The following ARHGAP10 variants were observed in gnomAD, a reference collection of about 807,000 sequenced individuals.
ARHGAP10 encodes the protein Rho GTPase activating protein 10.
Under a neutral mutation model 108.6 loss-of-function variants are expected in ARHGAP10, and 87 were observed. The ratio of observed to expected loss-of-function variants is 0.80; its 90% confidence interval spans 0.67 to 0.96. The LOEUF is 0.96. ARHGAP10 is among the 40% of genes least tolerant of loss of function. The pLI is 0.00. For missense variants in ARHGAP10, 939 were observed against 954.5 expected (o/e 0.98, Z 0.21); for synonymous variants, 347 against 341.1 (o/e 1.02, Z -0.19).
At chr4:147,783,199 TTATA>T (rs1303445683) in intron 1 of ARHGAP10, among the ~76,000 whole-genome samples, 1 of 144,104 alleles carries the variant, frequency 6.9e-6, no homozygotes, top group African/African-American at 2.5e-5. Flanking sequence ...ATTGTATAAT[TTATA>T]TAACACATTA....
intron 10 of ARHGAP10, among the ~76,000 whole-genome samples, chr4:147,883,352 A>G (rs1279530968): frequency 6.6e-6 from 1 of 152,168 alleles, no homozygotes; most frequent in Non-Finnish European, 1.5e-5. Context: ...GTGAGCCACC[A>G]TGCCTGGCCT....
intron 20 of ARHGAP10, among the ~76,000 whole-genome samples, chr4:148,055,655 T>C (rs1213920091): frequency 6.6e-6 from 1 of 152,186 alleles, no homozygotes; most frequent in Non-Finnish European, 1.5e-5. Context: ...GCCACTGCAC[T>C]CCAGCCTGAG....
chr4:148,024,115 A>G (rs1741677529), intron 19 of ARHGAP10, among the ~76,000 whole-genome samples: 1 of 152,208 alleles, frequency 6.6e-6, no homozygotes, highest in Non-Finnish European at 1.5e-5. Flanking sequence ...AGCTGTGCAC[A>G]CGCCTCCCAT....
chr4:148,012,653 T>G (rs147534648), intron 18 of ARHGAP10, among the ~76,000 whole-genome samples: 35 of 152,332 alleles, frequency 2.3e-4, no homozygotes, highest in African/African-American at 8.4e-4. Context: ...AAGTTTAGTC[T>G]TAATAGATAT....
At chr4:148,070,112 T>TA (rs1370203613) in intron 22 of ARHGAP10, among the ~76,000 whole-genome samples, 1 of 152,244 alleles carries the variant, frequency 6.6e-6, no homozygotes. Flanking sequence ...TTATATGTGT[T>TA]ACATGCTCTC....
rs768626844 is a variant in ARHGAP10, at chr4:147,822,814, G to A, written c.242G>A (p.Arg81Gln). ...FIGDAVTDDE[R>Q]CIDASLREFS... ...GGTGATGCTGTGACAGATGATGAAC[G>A]ATGCATAGGTAATTAAACATGATAT... Residue 81 changes from arginine (R) to glutamine (Q), a missense_variant, in exon 2 of 23, where the codon CGA becomes CAA. Physicochemically the swap from Arg to Gln is conservative, Grantham distance 43. Transcript: ENST00000336498. The A allele has an allele frequency of 1.5e-5, 24 of 1,614,042 alleles. No individual in the cohort carries two copies. The South Asian group carries it at 2.3e-4, about 16-fold the overall frequency.
At chr4:147,873,720 A>ACT (rs1348512439) in intron 7 of ARHGAP10, among the ~76,000 whole-genome samples, 1 of 149,016 alleles carries the variant, frequency 6.7e-6, no homozygotes, top group African/African-American at 2.5e-5. Flanking sequence ...ACACACACAC[A>ACT]CACTCTTGGC....
At chr4:147,989,556 T>G (rs1436189945) in intron 18 of ARHGAP10, among the ~76,000 whole-genome samples, 1 of 152,210 alleles carries the variant, frequency 6.6e-6, no homozygotes, top group Admixed American at 6.5e-5. Flanking sequence ...CTCAGGGACG[T>G]TCCATGCTGA....
At chr4:148,061,207 C>T (rs937559957) in intron 20 of ARHGAP10, among the ~76,000 whole-genome samples, 16 of 151,676 alleles carry the variant, frequency 1.1e-4, no homozygotes, top group African/African-American at 3.6e-4. Flanking sequence ...ACTTTATCTT[C>T]TTCCTGTAAC....
Position 147,732,458 on chromosome 4 carries a change from A to G in ARHGAP10, c.154+3A>G. The G allele has an allele frequency of 6.2e-7, 1 of 1,609,708 alleles. No homozygotes were observed. The highest frequency in any genetic ancestry group is 1.1e-5 in the South Asian group (1 of 90,634). ...GAACCTCATCGCTGCGACGAAAAGT[A>G]AGCGGGGACGCGGGCGCGGACGGGC... On this transcript the variant is annotated splice_donor_region_variant and intron_variant, in intron 1 of 22. Coordinates refer to ENST00000336498, the MANE Select transcript of ARHGAP10 (RefSeq NM_024605.4).
At position 147,739,562 on chromosome 4, in the gene ARHGAP10, G is replaced by T. The variant is rs17023733; in HGVS notation, c.154+7107G>T. 9.5e-3 allele frequency among the ~76,000 whole-genome samples: 1,444 copies of T among 152,202 alleles called. 31 individuals carry two copies. Among genetic ancestry groups the T allele is most frequent in the African/African-American group, 0.033 (1,359 of 41,518 alleles). Reference sequence around the variant, plus strand: ...ATCCTAACAGCTTGTATTTGCTATGGTAAATTCACAATAAAAGAAGACGAC... The same window carrying T: ...ATCCTAACAGCTTGTATTTGCTATGTTAAATTCACAATAAAAGAAGACGAC... On this transcript the variant is annotated intron_variant, in intron 1 of 22. Coordinates refer to ENST00000336498, the MANE Select transcript of ARHGAP10 (RefSeq NM_024605.4).
intron 5 of ARHGAP10, among the ~76,000 whole-genome samples, chr4:147,859,063 C>G (rs1279278049): frequency 2.0e-5 from 3 of 152,128 alleles, no homozygotes; most frequent in African/African-American, 7.2e-5. Flanking sequence ...GTTCTGCACC[C>G]AACCCAGCTG....
At chr4:147,791,804 C>G (rs557317567) in intron 1 of ARHGAP10, among the ~76,000 whole-genome samples, 1 of 152,080 alleles carries the variant, frequency 6.6e-6, no homozygotes, top group Non-Finnish European at 1.5e-5. Flanking sequence ...AGGCTCGTCT[C>G]GAACTCCTGA....
chr4:147,937,130 G>T (rs539143299), intron 13 of ARHGAP10, among the ~76,000 whole-genome samples: 5 of 152,102 alleles, frequency 3.3e-5, no homozygotes, highest in African/African-American at 7.2e-5. Context: ...TGCCAAAAAG[G>T]TTGGGGATGG....
At chr4:148,029,310 G>A (rs888709952) in intron 19 of ARHGAP10, among the ~76,000 whole-genome samples, 1 of 152,186 alleles carries the variant, frequency 6.6e-6, no homozygotes, top group African/African-American at 2.4e-5. Context: ...TCACTCTAGT[G>A]AGACCCTTCA....
intron 1 of ARHGAP10, among the ~76,000 whole-genome samples, chr4:147,768,423 G>A (rs543344986): frequency 6.6e-6 from 1 of 151,754 alleles, no homozygotes; most frequent in African/African-American, 2.4e-5. Flanking sequence ...TAAAGATTCC[G>A]CTGTTAACAT....
rs567078252 is a variant in ARHGAP10 at position 147,887,320 on chromosome 4, T to A, written c.1034+5388T>A. Among the ~76,000 whole-genome samples, 5 of 152,222 alleles carry A rather than the reference T, an allele frequency of 3.3e-5. No individual in the cohort carries two copies. In the South Asian group the frequency reaches 1.0e-3, roughly 32 times the overall value. On this transcript the variant is annotated intron_variant, in intron 10 of 22. Coordinates refer to ENST00000336498, the MANE Select transcript of ARHGAP10 (RefSeq NM_024605.4). Reference sequence around the variant, plus strand: ...AACTCCTCTGTTCAGGTGTTTCCATTTCCTCTTCCCATCTTCTCTCCACTG... The same window carrying A: ...AACTCCTCTGTTCAGGTGTTTCCATATCCTCTTCCCATCTTCTCTCCACTG...
intron 18 of ARHGAP10, among the ~76,000 whole-genome samples, chr4:148,018,811 G>T (rs1329517687): frequency 6.6e-6 from 1 of 152,134 alleles, no homozygotes; most frequent in East Asian, 1.9e-4. Flanking sequence ...AGTGACTTTG[G>T]AATGAAAGCC....
At chr4:147,853,022 A>G (rs909623533) in intron 4 of ARHGAP10, among the ~76,000 whole-genome samples, 3 of 152,224 alleles carry the variant, frequency 2.0e-5, no homozygotes, top group Non-Finnish European at 4.4e-5. Context: ...TGAGCTATAC[A>G]TACATTTAAG....
Sources: allele counts gnomAD v4.1 joint callset (sites outside exome capture counted in the v4.1 genomes callset), GRCh38; gene constraint gnomAD v4.1.1; transcripts MANE v1.5; gene names NCBI Gene and HGNC (gene_info 2026-07-23, HGNC 2026-07-21).